BBS2: variants seen among roughly 807,000 people sequenced by gnomAD.
BBS2 encodes the protein BBSome complex member BBS2.
A neutral mutation model predicts 83.0 loss-of-function variants in BBS2; 62 were observed. That is an observed-to-expected ratio of 0.75 (90% CI 0.61 to 0.92). The LOEUF (loss-of-function observed/expected upper bound fraction) is 0.92, where lower values mean the gene tolerates loss of function less well. Among genes scored for constraint, BBS2 ranks in the 40% least tolerant of loss-of-function variants. The probability of loss-of-function intolerance (pLI) is 0.00; values close to 1 mark genes in which losing one functional copy is unlikely to be tolerated. For synonymous variants in BBS2, 303 were observed against 326.1 expected (o/e 0.93, Z 0.76); for missense variants, 784 against 901.0 (o/e 0.87, Z 1.66).
chr16:56,475,032 A>G, intron 17 of BBS2: 1 of 1,428,528 alleles, frequency 7.0e-7, no homozygotes, highest in Admixed American at 2.0e-5. Flanking sequence ...AGCTGAACCA[A>G]TTCATAAGTA....
At chr16:56,494,880 T>C (rs1037583354) in intron 15 of BBS2, among the ~76,000 whole-genome samples, 1 of 150,050 alleles carries the variant, frequency 6.7e-6, no homozygotes, top group African/African-American at 2.5e-5. Flanking sequence ...GAGAATGGCA[T>C]GAACCCGGGA....
At chr16:56,470,926 A>G (rs556076216) in intron 17 of BBS2, 167 of 834,946 alleles carry the variant, frequency 2.0e-4, no homozygotes, top group Non-Finnish European at 2.7e-4. Context: ...CAAAACAGAC[A>G]AGGTCTCTGG....
intron 2 of BBS2, among the ~76,000 whole-genome samples, 199 bp downstream of exon 2, chr16:56,514,254 A>G (rs1408929494): frequency 6.6e-6 from 1 of 152,212 alleles, no homozygotes; most frequent in African/African-American, 2.4e-5. Flanking sequence ...AGTGTCACCA[A>G]GCGATTAGCA....
At chr16:56,484,004 ATAT>A (rs1292093021), downstream of BBS2, among the ~76,000 whole-genome samples, 15 of 102,176 alleles carry the variant, frequency 1.5e-4, no homozygotes, top group East Asian at 2.6e-4. Context: ...CTCAGCCCAA[ATAT>A]TTTTTTTTTT....
At chr16:56,480,366 C>CAAAAAAAAAAAAAAAAAA (rs1157907841), downstream of BBS2, among the ~76,000 whole-genome samples, 1 of 90,256 alleles carries the variant, frequency 1.1e-5, no homozygotes, top group Non-Finnish European at 2.3e-5. Context: ...AAAAAAAAAA[C>CAAAAAAAAAAAAAAAAAA]AAAAAAAAAA....
chr16:56,515,305 T>A (rs1348308442), intron 1 of BBS2, among the ~76,000 whole-genome samples: 1 of 152,220 alleles, frequency 6.6e-6, no homozygotes, highest in Non-Finnish European at 1.5e-5. Context: ...CATAAATTAT[T>A]CAACTTTCCT....
chr16:56,473,234 A>C (rs140547138), intron 17 of BBS2, among the ~76,000 whole-genome samples: 1 of 152,266 alleles, frequency 6.6e-6, no homozygotes, highest in African/African-American at 2.4e-5. Context: ...CTGGCCACCA[A>C]AGCAGTTTTA....
At chr16:56,503,728 G>A (rs1470067034) in intron 7 of BBS2, among the ~76,000 whole-genome samples, 1 of 152,154 alleles carries the variant, frequency 6.6e-6, no homozygotes, top group African/African-American at 2.4e-5. Flanking sequence ...GACCATTCTG[G>A]CTAACATGGT....
intron 17 of BBS2, among the ~76,000 whole-genome samples, chr16:56,471,115 G>A (rs1297385254): frequency 6.6e-6 from 1 of 151,938 alleles, no homozygotes; most frequent in Non-Finnish European, 1.5e-5. Context: ...ACTTTTGGAG[G>A]CGGAGGCAGT....
At chr16:56,490,166 T>C (rs1282838909) in intron 15 of BBS2, among the ~76,000 whole-genome samples, 2 of 151,026 alleles carry the variant, frequency 1.3e-5, no homozygotes, top group African/African-American at 4.9e-5. Flanking sequence ...AATAATAATA[T>C]AATAATAATG....
chr16:56,476,465 T>C, intron 17 of BBS2: 1 of 282,162 alleles, frequency 3.5e-6, no homozygotes, highest in Non-Finnish European at 6.5e-6. Context: ...ATTGGCTTCT[T>C]CAGTGAATTT....
chr16:56,519,643 G>A (rs1381927357), intron 1 of BBS2, 103 bp downstream of exon 1: 2 of 924,372 alleles, frequency 2.2e-6, no homozygotes, highest in Non-Finnish European at 3.4e-6. Flanking sequence ...GGGCAACACG[G>A]GCTGGGGGCG....
intron 7 of BBS2, 55 bp from the exon 8 acceptor site, chr16:56,502,863 A>T: frequency 6.3e-7 from 1 of 1,595,456 alleles, no homozygotes; most frequent in East Asian, 2.3e-5. Context: ...TAAAAACCAC[A>T]AAATTTAAAA....
chr16:56,511,396 A>G lies in BBS2; in HGVS notation c.346-112T>C. ...CAGATTTTGAGTAAAACAGATTATT[A>G]TCCATAATGTGGGTGGGCCTCACAC... On this transcript the variant is annotated intron_variant, in intron 2 of 16. Transcript: ENST00000245157. The G allele has an allele frequency of 2.1e-6, 3 of 1,454,288 alleles. No homozygotes were observed. The South Asian group carries it at 3.4e-5, about 17-fold the overall frequency. 90.1% of individuals were successfully genotyped at this position (1,454,288 alleles called of 1,614,324 possible).
intron 14 of BBS2, chr16:56,497,289 T>C: frequency 1.7e-6 from 1 of 601,926 alleles, no homozygotes; most frequent in South Asian, 1.9e-5. Flanking sequence ...TCCATGTGAA[T>C]CTTCCCCATG....
intron 15 of BBS2, among the ~76,000 whole-genome samples, chr16:56,492,048 TG>T (rs1166285505): frequency 2.8e-4 from 42 of 151,706 alleles, no homozygotes; most frequent in African/African-American, 9.6e-4. Flanking sequence ...AAATTTTTAA[TG>T]ATTAAATATT....
chr16:56,511,143 G>A lies in BBS2; in HGVS notation c.471+16C>T, dbSNP rs1255273093. On this transcript the variant is annotated intron_variant, in intron 3 of 16. Transcript: ENST00000245157. Reference sequence around the variant, plus strand: ...AATGCTTAAGGGTACCAAAAAGAATGTTTTCTTCTTCATACCGTCCAAAAG... The same window carrying A: ...AATGCTTAAGGGTACCAAAAAGAATATTTTCTTCTTCATACCGTCCAAAAG... 1 of 1,613,796 alleles carries A rather than the reference G, an allele frequency of 6.2e-7. No individual in the cohort carries two copies.
At chr16:56,509,319 TG>T (rs1420752926) in intron 5 of BBS2, 3 of 153,570 alleles carry the variant, frequency 2.0e-5, no homozygotes, top group Non-Finnish European at 4.3e-5. Flanking sequence ...CTGGCCAACA[TG>T]GTGAAACCCC....
chr16:56,477,862 A>G (rs1239462073), intron 17 of BBS2: 1 of 152,164 alleles, frequency 6.6e-6, no homozygotes, highest in African/African-American at 2.4e-5. Context: ...TTGAGTATTC[A>G]TTCTTTTCTG....
Sources: gnomAD v4.1 joint callset for allele counts (sites outside exome capture counted in the v4.1 genomes callset) on GRCh38, gnomAD v4.1.1 for gene constraint, MANE v1.5 for transcripts, NCBI Gene and HGNC (gene_info 2026-07-23, HGNC 2026-07-21) for gene names.